Variants in RNF212 observed in about 807,000 individuals in gnomAD.
The protein encoded by RNF212 is probable E3 SUMO-protein ligase RNF212.
Under a neutral mutation model 34.7 loss-of-function variants are expected in RNF212, and 33 were observed. The ratio of observed to expected loss-of-function variants is 0.95; its 90% CI spans 0.72 to 1.27. The LOEUF (loss-of-function observed/expected upper bound fraction) is 1.27, where lower values mean the gene tolerates loss of function less well. RNF212 is among the 50% of genes most tolerant of loss of function. The probability of loss-of-function intolerance (pLI) is 0.00; values close to 1 mark genes in which losing one functional copy is unlikely to be tolerated. For missense variants in RNF212, 377 were observed against 362.2 expected (o/e 1.04, Z -0.33); for synonymous variants, 140 against 136.1 (o/e 1.03, Z -0.20).
chr4:1,056,848 C>T lies in RNF212; in HGVS notation n.221-345G>A, dbSNP rs60085185. The T allele has an allele frequency of 0.12, 115,500 of 987,466 alleles. 12,439 individuals are homozygous for T. Among genetic ancestry groups the T allele is most frequent in the African/African-American group, 0.54 (30,803 of 57,294 alleles). The allele number at this position is 987,466 out of a possible 1,614,324, so 61.2% of individuals were successfully genotyped here. ...TGGCTGAGCACTTGCCTAAACACTGCCTCTGCAGCAGGCTGGGGATGCTGA... is the reference window on the plus strand; with the variant it reads ...TGGCTGAGCACTTGCCTAAACACTGTCTCTGCAGCAGGCTGGGGATGCTGA... On this transcript the variant is annotated intron_variant and non_coding_transcript_variant, in intron 4 of 4. Transcript: ENST00000503206.
intron 1 of RNF212, among the ~76,000 whole-genome samples, chr4:1,109,531 A>T (rs993293034): frequency 4.6e-5 from 7 of 152,076 alleles, no homozygotes; most frequent in African/African-American, 1.4e-4. Flanking sequence ...TAGGAAAAAA[A>T]CATCCCTTAA....
chr4:1,075,987 G>C (rs937791374), intron 8 of RNF212, among the ~76,000 whole-genome samples: 1 of 152,206 alleles, frequency 6.6e-6, no homozygotes, highest in Non-Finnish European at 1.5e-5. Context: ...GGAAGTGTGT[G>C]AATGGTATTC....
downstream of RNF212, among the ~76,000 whole-genome samples, chr4:1,066,949 A>G (rs1718135804): frequency 6.6e-6 from 1 of 152,066 alleles, no homozygotes. Context: ...TCCTTGATCC[A>G]TTTTGAATTG....
At chr4:1,092,934 C>G (rs1450202695) in intron 3 of RNF212, among the ~76,000 whole-genome samples, 3 of 133,120 alleles carry the variant, frequency 2.3e-5, no homozygotes, top group African/African-American at 7.8e-5. Context: ...CAGTTCTCCT[C>G]CATGGAGTGG....
At chr4:1,111,315 G>T (rs191698640) in intron 1 of RNF212, among the ~76,000 whole-genome samples, 1 of 152,052 alleles carries the variant, frequency 6.6e-6, no homozygotes, top group African/African-American at 2.4e-5. Flanking sequence ...TTATTATCCC[G>T]TATTAATCGC....
chr4:1,095,776 G>A (rs1291675300), intron 3 of RNF212, among the ~76,000 whole-genome samples: 2 of 67,780 alleles, frequency 3.0e-5, no homozygotes, highest in Non-Finnish European at 5.2e-5. Flanking sequence ...TCAGCATAGC[G>A]CACCTGGCTC....
rs374307132 is a variant in RNF212 at position 1,085,877 on chromosome 4, G to A, written c.362+19C>T. 149 of 1,588,954 alleles carry A rather than the reference G, an allele frequency of 9.4e-5. No homozygotes were observed. In the Middle Eastern group the frequency reaches 1.0e-3, roughly 11 times the overall value. On this transcript the variant is annotated intron_variant, in intron 5 of 9. Coordinates refer to ENST00000433731, the MANE Select transcript of RNF212 (RefSeq NM_001131034.4). Reference sequence around the variant, plus strand: ...GTGGGTGCCTCGACTGCGCACTCACGGGGGGTGGGGCGCCTTACCTTTGTA... The same window carrying A: ...GTGGGTGCCTCGACTGCGCACTCACAGGGGGTGGGGCGCCTTACCTTTGTA...
intron 3 of RNF212, chr4:1,093,937 C>T (rs557390624): frequency 4.2e-5 from 64 of 1,536,098 alleles, no homozygotes; most frequent in South Asian, 2.9e-4. Context: ...TTCCATGGGT[C>T]GAGCCTCTGG....
chr4:1,093,964 T>C, intron 3 of RNF212: 1 of 1,536,130 alleles, frequency 6.5e-7, no homozygotes, highest in Non-Finnish European at 8.7e-7. Context: ...CCTTGGAGGA[T>C]GTGGCTGGGC....
At chr4:1,087,480 G>T (rs1577718638) in intron 4 of RNF212, among the ~76,000 whole-genome samples, 1 of 124,826 alleles carries the variant, frequency 8.0e-6, no homozygotes, top group Non-Finnish European at 1.7e-5. Flanking sequence ...GACAGGATGG[G>T]GTGAGGGTGA....
intron 2 of RNF212, among the ~76,000 whole-genome samples, chr4:1,106,357 TG>T (rs1370474553): frequency 2.0e-5 from 3 of 151,976 alleles, no homozygotes; most frequent in East Asian, 3.9e-4. Context: ...ACAATTACTG[TG>T]TATTAAACCA....
At position 1,073,032 on chromosome 4, in the gene RNF212, C is replaced by A; in HGVS notation, c.736G>T (p.Glu246Ter). ...GGAAGTGTTTTAGAGTTGGTGAGTT[C>A]CCCGTGCCTTCCAGAACTGAACGCT... ...LLAFSSGRHG[E>*]LTNSKTLPIY... Residue 246 changes from glutamate (E) to a stop codon, truncating the protein, a stop_gained, in exon 10 of 10, where the codon GAA (glutamate) becomes TAA (stop). Transcript: ENST00000433731. LOFTEE classifies it low-confidence loss of function (END_TRUNC). 3 of 1,614,120 alleles carry A rather than the reference C, an allele frequency of 1.9e-6. No individual in the cohort carries two copies. The highest frequency in any genetic ancestry group is 2.5e-6 in the Non-Finnish European group (3 of 1,179,994).
intron 8 of RNF212, among the ~76,000 whole-genome samples, chr4:1,074,758 A>G (rs1307360482): frequency 6.6e-6 from 1 of 152,108 alleles, no homozygotes; most frequent in Admixed American, 6.5e-5. Context: ...ACCCCCAAGA[A>G]GACAGAATCT....
At chr4:1,098,939 G>A (rs1220125337) in intron 2 of RNF212, among the ~76,000 whole-genome samples, 6 of 152,214 alleles carry the variant, frequency 3.9e-5, no homozygotes, top group Non-Finnish European at 5.9e-5. Flanking sequence ...AACTGAAGAA[G>A]CTGTCACAGA....
intron 8 of RNF212, among the ~76,000 whole-genome samples, chr4:1,078,884 C>A (rs527715530): frequency 1.3e-5 from 2 of 151,250 alleles, no homozygotes; most frequent in Non-Finnish European, 1.5e-5. Flanking sequence ...AACACAGGAC[C>A]GACATGGGAC....
chr4:1,102,026 TA>T (rs1398086908), intron 2 of RNF212, among the ~76,000 whole-genome samples: 1 of 152,000 alleles, frequency 6.6e-6, no homozygotes, highest in Non-Finnish European at 1.5e-5. Context: ...AATTCAAAGA[TA>T]AAAATATAGT....
intron 4 of RNF212, chr4:1,058,311 G>GGTTAGAACGCTGTGAAGAAGGT (rs1560086855): frequency 3.3e-6 from 3 of 921,502 alleles, no homozygotes; most frequent in African/African-American, 1.8e-5. Context: ...TGCTTGCGGG[G>GGTTAGAACGCTGTGAAGAAGGT]GGGCACTACC....
intron 5 of RNF212, 146 bp from the exon 6 acceptor site, chr4:1,081,765 TC>T: frequency 1.6e-6 from 1 of 640,752 alleles, no homozygotes; most frequent in Non-Finnish European, 2.8e-6. Flanking sequence ...ATTCAGCAGT[TC>T]CCATAGCGTC....
At chr4:1,090,935 G>A in intron 3 of RNF212, 97 bp from the exon 4 acceptor site, 1 of 765,062 alleles carries the variant, frequency 1.3e-6, no homozygotes, top group Non-Finnish European at 2.3e-6. Context: ...ACTCTCAGGA[G>A]AGCTCACAGT....
Sources: allele counts gnomAD v4.1 joint callset (sites outside exome capture counted in the v4.1 genomes callset), GRCh38; gene constraint gnomAD v4.1.1; transcripts MANE v1.5; gene names NCBI Gene and HGNC (gene_info 2026-07-23, HGNC 2026-07-21).